SPATA22: variants seen among roughly 807,000 people sequenced by gnomAD.
SPATA22 encodes spermatogenesis associated 22.
In SPATA22, 29 loss-of-function variants were observed where a neutral mutation model predicts 47.8. The observed-to-expected ratio is 0.61, with a 90% CI of 0.45 to 0.83. The LOEUF (loss-of-function observed/expected upper bound fraction) is 0.83, where lower values mean the gene tolerates loss of function less well. Ranked by LOEUF, SPATA22 falls within the 40% of genes least tolerant of loss-of-function variation. SPATA22 has a pLI of 0.00. For synonymous variants in SPATA22, 133 were observed against 140.9 expected, an observed-to-expected ratio of 0.94 and a Z score of 0.40; for missense variants, 410 against 421.7, an observed-to-expected ratio of 0.97 and a Z score of 0.24.
intron 1 of SPATA22, among the ~76,000 whole-genome samples, chr17:3,481,382 A>G (rs1052867701): frequency 5.9e-5 from 9 of 152,230 alleles, no homozygotes; most frequent in Non-Finnish European, 7.3e-5. Flanking sequence ...TGCACGTATT[A>G]CTTCGCAAGC....
chr17:3,446,355 C>T (rs1443335911), intron 7 of SPATA22, 117 bp downstream of exon 7: 13 of 952,722 alleles, frequency 1.4e-5, no homozygotes, highest in Non-Finnish European at 2.0e-5. Context: ...TCTTTGAATA[C>T]ACTTTAGGGA....
At chr17:3,471,465 GT>G (rs1441791440) in intron 1 of SPATA22, 2 of 985,312 alleles carry the variant, frequency 2.0e-6, no homozygotes, top group Non-Finnish European at 2.4e-6. Context: ...CCTAAGTGGC[GT>G]TAGTAATGGG....
At chr17:3,448,419 C>CAT (rs1395855258) in intron 6 of SPATA22, among the ~76,000 whole-genome samples, 1 of 152,164 alleles carries the variant, frequency 6.6e-6, no homozygotes, top group Non-Finnish European at 1.5e-5. Flanking sequence ...CAGTACGGCC[C>CAT]ATAAAGCCAA....
chr17:3,509,387 A>G (rs1020939623), intron 1 of SPATA22, among the ~76,000 whole-genome samples: 1 of 151,932 alleles, frequency 6.6e-6, no homozygotes, highest in Non-Finnish European at 1.5e-5. Context: ...TCAATGTTCA[A>G]TTCCACTTAT....
At chr17:3,464,347 C>CCGCCT (rs1463593752) in intron 3 of SPATA22, among the ~76,000 whole-genome samples, 1 of 151,726 alleles carries the variant, frequency 6.6e-6, no homozygotes, top group African/African-American at 2.4e-5. Context: ...CACCTCCCAG[C>CCGCCT]CGCCTGCCTT....
intron 1 of SPATA22, among the ~76,000 whole-genome samples, chr17:3,498,030 T>G (rs1218788530): frequency 6.6e-6 from 1 of 152,126 alleles, no homozygotes; most frequent in African/African-American, 2.4e-5. Context: ...TACCCTAATG[T>G]AGGAGCACAT....
At chr17:3,504,418 T>C (rs2074022117) in intron 1 of SPATA22, among the ~76,000 whole-genome samples, 2 of 152,018 alleles carry the variant, frequency 1.3e-5, no homozygotes, top group Admixed American at 6.5e-5. Flanking sequence ...TCCTGAGAAC[T>C]GTCCCCATCA....
At chr17:3,505,751 T>TG (rs2074034918) in intron 1 of SPATA22, among the ~76,000 whole-genome samples, 1 of 24,428 alleles carries the variant, frequency 4.1e-5, no homozygotes, top group South Asian at 1.3e-3. Flanking sequence ...TGTTTGTTGT[T>TG]TTTTGTTTTT....
chr17:3,476,619 ATTAT>A (rs139226617), upstream of SPATA22, among the ~76,000 whole-genome samples: 1,090 of 152,298 alleles, frequency 7.2e-3, 11 homozygotes, highest in African/African-American at 0.024. Flanking sequence ...TAAGCACCAG[ATTAT>A]TAAGTTTTCT....
intron 7 of SPATA22, among the ~76,000 whole-genome samples, chr17:3,444,730 T>A (rs941070281): frequency 6.6e-6 from 1 of 152,066 alleles, no homozygotes; most frequent in African/African-American, 2.4e-5. Flanking sequence ...GCAATATAAA[T>A]GAGTATTTAA....
intron 1 of SPATA22, among the ~76,000 whole-genome samples, 189 bp from the exon 2 acceptor site, chr17:3,469,587 A>T (rs2073383247): frequency 6.6e-6 from 1 of 152,210 alleles, no homozygotes; most frequent in African/African-American, 2.4e-5. Context: ...TTAAGTTATG[A>T]CTAGGGCAAC....
rs7220559 is a variant in SPATA22 at position 3,485,302 on chromosome 17, A to G, written c.-73-15904T>C. 0.65 allele frequency among the ~76,000 whole-genome samples: 98,710 copies of G among 152,030 alleles called. 33,464 individuals carry two copies. Among genetic ancestry groups the G allele is most frequent in the Non-Finnish European group, 0.76 (51,465 of 67,974 alleles). ...TGGGATTACAAGCGTGAGCCACCACACCTGTACCTCATTCACAGTTTTAAT... is the reference window on the plus strand; with the variant it reads ...TGGGATTACAAGCGTGAGCCACCACGCCTGTACCTCATTCACAGTTTTAAT... On this transcript the variant is annotated intron_variant, in intron 1 of 8. Transcript: ENST00000541913. The surrounding 1 kb of genome is among the most constrained non-coding windows in gnomAD (Gnocchi z 4.4).
At chr17:3,441,279 G>A in intron 8 of SPATA22, 1 of 151,990 alleles carries the variant, frequency 6.6e-6, no homozygotes, top group East Asian at 1.9e-4. Flanking sequence ...ATAATGGACA[G>A]AAAACTGATT....
At chr17:3,448,220 A>G (rs1442562697) in intron 6 of SPATA22, among the ~76,000 whole-genome samples, 2 of 152,264 alleles carry the variant, frequency 1.3e-5, no homozygotes, top group African/African-American at 4.8e-5. Context: ...GGACAAGATC[A>G]TAAAGCAAAG....
upstream of SPATA22, chr17:3,471,894 G>GC: frequency 1.0e-6 from 1 of 983,270 alleles, no homozygotes; most frequent in South Asian, 4.7e-5. Flanking sequence ...TTCGCTGCCT[G>GC]CCTGGCCGCC....
chr17:3,501,884 CA>C (rs1205826314), intron 1 of SPATA22: 1 of 151,704 alleles, frequency 6.6e-6, no homozygotes, highest in Non-Finnish European at 1.5e-5. Context: ...ACCCAGGAGG[CA>C]GAGGTTGCAG....
intron 1 of SPATA22, chr17:3,481,911 G>A: frequency 9.7e-7 from 1 of 1,033,564 alleles, no homozygotes; most frequent in Non-Finnish European, 1.4e-6. Context: ...GAGAAATGGG[G>A]TTTATTCCAT....
chr17:3,464,822 G>A (rs1341228957), intron 3 of SPATA22, among the ~76,000 whole-genome samples: 5 of 136,584 alleles, frequency 3.7e-5, no homozygotes, highest in Non-Finnish European at 4.8e-5. Flanking sequence ...CCCTCCGCCC[G>A]GCAGCCACCC....
At position 3,491,920 on chromosome 17, in the gene SPATA22, T is replaced by A. The variant is rs562668968; in HGVS notation, c.-74+21492A>T. Among the ~76,000 whole-genome samples, 5 of 136,738 alleles carry A rather than the reference T, an allele frequency of 3.7e-5. No individual in the cohort carries two copies. In the East Asian group the frequency reaches 1.2e-3, roughly 33 times the overall value. 89.7% of individuals were successfully genotyped at this position (136,738 alleles called of 152,430 possible). A position where few individuals can be genotyped will look rare whatever the true frequency, so the allele number is the denominator to read the frequency against. ...TGAGACAGGGTCTCACTCTGTTGCC[T>A]AGGCTGGAGTGCAGTGGTCCAATCA... On this transcript the variant is annotated intron_variant, in intron 1 of 8. Coordinates refer to the SPATA22 transcript ENST00000541913.
Sources: gnomAD v4.1 joint callset for allele counts (sites outside exome capture counted in the v4.1 genomes callset) on GRCh38, gnomAD v4.1.1 for gene constraint, Gnocchi (gnomAD v3.1) non-coding constraint, MANE v1.5 for transcripts, NCBI Gene and HGNC (gene_info 2026-07-23, HGNC 2026-07-21) for gene names.